The following RFWD3 variants were observed in gnomAD, a reference collection of about 807,000 sequenced individuals.
RFWD3 encodes E3 ubiquitin-protein ligase RFWD3.
Under a neutral mutation model 87.7 loss-of-function variants are expected in RFWD3, and 65 were observed. That is an observed-to-expected ratio of 0.74 (90% CI 0.61 to 0.91). RFWD3 has a LOEUF of 0.91. Among genes scored for constraint, RFWD3 ranks in the 40% least tolerant of loss-of-function variants. RFWD3 has a pLI of 0.00. For missense variants in RFWD3, 1,078 were observed against 938.5 expected (o/e 1.15, Z -1.94); for synonymous variants, 433 against 352.8 (o/e 1.23, Z -2.55).
intron 6 of RFWD3, among the ~76,000 whole-genome samples, chr16:74,640,021 T>C (rs1186319370): frequency 2.0e-5 from 3 of 152,208 alleles, no homozygotes; most frequent in African/African-American, 4.8e-5. Flanking sequence ...TTATAAATTA[T>C]CCTTTAGGTT....
Position 74,621,948 on chromosome 16 carries a change from T to G in RFWD3, c.*1980A>C, listed in dbSNP as rs1958783493. 6.6e-6 allele frequency: 1 copy of G among 152,192 alleles called. No individual in the cohort carries two copies. The highest frequency in any genetic ancestry group is 2.1e-4 in the South Asian group (1 of 4,832). The allele number at this position is 152,192 out of a possible 1,614,324, so 9.4% of individuals were successfully genotyped here. On this transcript the variant is annotated 3_prime_UTR_variant, in exon 13 of 13. Transcript: ENST00000361070. ...TTTTCTTTGGAGAAATCACTCACGA[T>G]CGTATGAATTTGCTTCCAAAACATC...
intron 12 of RFWD3, among the ~76,000 whole-genome samples, chr16:74,625,853 C>T (rs1290537812): frequency 2.0e-5 from 3 of 152,196 alleles, no homozygotes; most frequent in Non-Finnish European, 4.4e-5. Flanking sequence ...TGTGACTGTA[C>T]TGGACAGTGC....
At chr16:74,666,653 C>G (rs1264867129) in intron 1 of RFWD3, 133 bp downstream of exon 1, 1 of 152,314 alleles carries the variant, frequency 6.6e-6, no homozygotes, top group Non-Finnish European at 1.5e-5. Flanking sequence ...CCCCTCAGGC[C>G]GCCGGGTTCC....
At chr16:74,632,173 GA>G (rs1440866923) in intron 9 of RFWD3, among the ~76,000 whole-genome samples, 2 of 151,716 alleles carry the variant, frequency 1.3e-5, no homozygotes, top group Non-Finnish European at 2.9e-5. Flanking sequence ...GGCGGATCAT[GA>G]GGTCAGGAGA....
At chr16:74,626,862 C>A (rs929867706) in intron 11 of RFWD3, among the ~76,000 whole-genome samples, 2 of 152,148 alleles carry the variant, frequency 1.3e-5, no homozygotes, top group African/African-American at 4.8e-5. Context: ...CCTGCCAGAC[C>A]TCTGCTAGGG....
At chr16:74,639,761 G>A (rs1597428820) in intron 6 of RFWD3, among the ~76,000 whole-genome samples, 1 of 152,076 alleles carries the variant, frequency 6.6e-6, no homozygotes, top group East Asian at 1.9e-4. Context: ...ATATATTAAA[G>A]CTACAATAAA....
At chr16:74,645,005 A>G (rs1391175814) in intron 4 of RFWD3, among the ~76,000 whole-genome samples, 3 of 152,386 alleles carry the variant, frequency 2.0e-5, no homozygotes, top group Admixed American at 2.0e-4. Context: ...CTATCCATAT[A>G]AAGAATAGCA....
Position 74,622,265 on chromosome 16 carries a change from A to G in RFWD3, c.*1663T>C, listed in dbSNP as rs1958794239. The G allele has an allele frequency of 6.6e-6, 1 of 152,168 alleles. No homozygotes were observed. Among genetic ancestry groups the G allele is most frequent in the African/African-American group, 2.4e-5 (1 of 41,442 alleles). The allele number at this position is 152,168 out of a possible 1,614,324, so 9.4% of individuals were successfully genotyped here. ...ACCACTCTTAATCATTAACATATCA[A>G]AAGGAGTATCTCCTCTGAGAAAAGA... On this transcript the variant is annotated 3_prime_UTR_variant, in exon 13 of 13. Coordinates refer to ENST00000361070, the MANE Select transcript of RFWD3 (RefSeq NM_018124.4).
intron 7 of RFWD3, 24 bp downstream of exon 7, chr16:74,637,832 T>A: frequency 1.3e-6 from 2 of 1,558,344 alleles, no homozygotes; most frequent in Non-Finnish European, 1.8e-6. Context: ...CAAAAGTTCT[T>A]TGGATTAGAA....
intron 2 of RFWD3, among the ~76,000 whole-genome samples, chr16:74,653,181 A>C (rs1960696464): frequency 6.6e-6 from 1 of 152,114 alleles, no homozygotes; most frequent in Admixed American, 6.6e-5. Flanking sequence ...TCTACAAAAA[A>C]TACACAATAT....
chr16:74,659,940 AATC>A (rs1451294479), intron 2 of RFWD3, among the ~76,000 whole-genome samples: 2 of 152,126 alleles, frequency 1.3e-5, no homozygotes, highest in East Asian at 3.9e-4. Context: ...AGTCCCAGTT[AATC>A]ATCAAGAGGC....
Position 74,645,216 on chromosome 16 carries a change from T to C in RFWD3, c.793-481A>G, listed in dbSNP as rs544197453. Among the ~76,000 whole-genome samples the C allele has an allele frequency of 5.3e-5, 8 of 152,362 alleles. No individual in the cohort carries two copies. The South Asian group carries it at 1.7e-3, about 32-fold the overall frequency. On this transcript the variant is annotated intron_variant, in intron 4 of 12. Transcript: ENST00000361070. ...AGCACTGTTGTGGGTAAATGAGATA[T>C]GGACATGCTTATATACTGTTGCCTT...
intron 9 of RFWD3, among the ~76,000 whole-genome samples, chr16:74,631,431 C>T (rs532463853): frequency 6.6e-6 from 1 of 150,456 alleles, no homozygotes; most frequent in East Asian, 2.0e-4. Context: ...TAAGATCATG[C>T]CACTGTACTC....
chr16:74,647,644 C>T (rs898661352), intron 4 of RFWD3, among the ~76,000 whole-genome samples: 4 of 151,918 alleles, frequency 2.6e-5, no homozygotes, highest in Admixed American at 1.3e-4. Flanking sequence ...CAAGCTAGAG[C>T]GCAGTGACGC....
At chr16:74,660,473 A>G (rs1961338949) in intron 2 of RFWD3, 1 of 153,904 alleles carries the variant, frequency 6.5e-6, no homozygotes, top group African/African-American at 2.4e-5. Context: ...ACAAAAAACC[A>G]AAAAACGGAC....
In RFWD3 at chr16:74,666,794, A is replaced by T. The variant is rs1208763168; in HGVS notation, c.-11T>A. On this transcript the variant is annotated 5_prime_UTR_variant, in exon 1 of 13. Transcript: ENST00000361070. ...GCAACACCCCTCCTCACCTGAAACC[A>T]GCAGGCCGCGGCCGGGCTCGCGAGC... is the stretch of plus-strand genomic sequence containing the variant. The T allele has an allele frequency of 3.7e-5, 2 of 54,138 alleles. No homozygotes were observed. Among genetic ancestry groups the T allele is most frequent in the African/African-American group, 1.9e-4 (2 of 10,420 alleles). 3.4% of individuals were successfully genotyped at this position (54,138 alleles called of 1,614,324 possible).
At chr16:74,634,487 C>T (rs1052547945) in intron 8 of RFWD3, among the ~76,000 whole-genome samples, 13 of 152,124 alleles carry the variant, frequency 8.5e-5, no homozygotes, top group South Asian at 4.1e-4. Flanking sequence ...TAGGCTCAAG[C>T]GATCCTCCCA....
At chr16:74,649,015 G>C in intron 4 of RFWD3, 117 bp downstream of exon 4, 1 of 544,690 alleles carries the variant, frequency 1.8e-6, no homozygotes, top group East Asian at 4.6e-5. Flanking sequence ...CCAGGAGTTT[G>C]AAACTGCAGT....
chr16:74,622,185 T>A lies in RFWD3; in HGVS notation c.*1743A>T, dbSNP rs752482587. The A allele has an allele frequency of 1.3e-5, 2 of 152,204 alleles. No homozygotes were observed. The highest frequency in any genetic ancestry group is 2.4e-5 in the African/African-American group (1 of 41,456). 9.4% of individuals were successfully genotyped at this position (152,204 alleles called of 1,614,324 possible). A position where few individuals can be genotyped will look rare whatever the true frequency, so the allele number is the denominator to read the frequency against. On this transcript the variant is annotated 3_prime_UTR_variant, in exon 13 of 13. Transcript: ENST00000361070. ...TTGGTGGCAATCTGCTGAAGCCAGA[T>A]GAGTTCTGCTTTTTAATTCCAATCC...
Sources: gnomAD v4.1 joint callset for allele counts (sites outside exome capture counted in the v4.1 genomes callset) on GRCh38, gnomAD v4.1.1 for gene constraint, MANE v1.5 for transcripts, NCBI Gene and HGNC (gene_info 2026-07-23, HGNC 2026-07-21) for gene names.